The following MGAT4C variants were observed in gnomAD, a reference collection of about 807,000 sequenced individuals.
The protein encoded by MGAT4C is alpha-1,3-mannosyl-glycoprotein 4-beta-N-acetylglucosaminyltransferase C.
Under a neutral mutation model 40.1 loss-of-function variants are expected in MGAT4C, and 19 were observed. The observed-to-expected ratio is 0.47, with a 90% CI of 0.33 to 0.70. The LOEUF is 0.70. Ranked by LOEUF, MGAT4C falls within the 30% of genes least tolerant of loss-of-function variation. The probability of loss-of-function intolerance (pLI) is 0.02; values close to 1 mark genes in which losing one functional copy is unlikely to be tolerated. For synonymous variants in MGAT4C, 181 were observed against 187.1 expected (o/e 0.97, Z 0.27); for missense variants, 491 against 563.2 (o/e 0.87, Z 1.30).
At chr12:86,723,728 G>A (rs1378109493) in intron 2 of MGAT4C, among the ~76,000 whole-genome samples, 1 of 152,150 alleles carries the variant, frequency 6.6e-6, no homozygotes, top group African/African-American at 2.4e-5. Flanking sequence ...GTCAATCCCT[G>A]AAGGACAGTC....
At chr12:86,627,000 C>T (rs1375893848) in intron 2 of MGAT4C, among the ~76,000 whole-genome samples, 2 of 152,168 alleles carry the variant, frequency 1.3e-5, no homozygotes, top group South Asian at 2.1e-4. Context: ...CCAGGAATAT[C>T]GGGACACTGC....
intron 2 of MGAT4C, among the ~76,000 whole-genome samples, chr12:86,623,531 T>C (rs112704645): frequency 6.6e-6 from 1 of 152,164 alleles, no homozygotes; most frequent in African/African-American, 2.4e-5. Flanking sequence ...AATGGGCCAA[T>C]ATTTTAAAGA....
intron 1 of MGAT4C, among the ~76,000 whole-genome samples, chr12:86,099,389 G>C (rs943221534): frequency 1.4e-5 from 2 of 147,242 alleles, no homozygotes; most frequent in African/African-American, 4.9e-5. Flanking sequence ...TTCTTTTGGG[G>C]GGGGGCAAAA....
chr12:86,011,415 T>A (rs532775936), intron 2 of MGAT4C, among the ~76,000 whole-genome samples: 6 of 152,348 alleles, frequency 3.9e-5, no homozygotes, highest in African/African-American at 1.4e-4. Flanking sequence ...AAGTTATCTT[T>A]TAGAATTTTA....
At chr12:86,279,990 T>A (rs1479801365) in intron 4 of MGAT4C, among the ~76,000 whole-genome samples, 1 of 152,096 alleles carries the variant, frequency 6.6e-6, no homozygotes, top group Admixed American at 6.6e-5. Flanking sequence ...TCAGAGAAGA[T>A]GATTTATATG....
At chr12:86,170,179 G>A (rs1320668341) in intron 1 of MGAT4C, among the ~76,000 whole-genome samples, 6 of 152,160 alleles carry the variant, frequency 3.9e-5, no homozygotes, top group Non-Finnish European at 1.5e-5. Flanking sequence ...GAACATTCGT[G>A]ACCCACTTTT....
At chr12:86,057,170 A>C (rs1423896854) in intron 1 of MGAT4C, among the ~76,000 whole-genome samples, 1 of 152,000 alleles carries the variant, frequency 6.6e-6, no homozygotes, top group Admixed American at 6.6e-5. Context: ...AAACTCTTTT[A>C]CTAATTATTA....
chr12:86,187,975 T>C lies in MGAT4C; in HGVS notation c.-57+68264A>G, dbSNP rs1205724498. Among the ~76,000 whole-genome samples the C allele has an allele frequency of 2.0e-5, 3 of 152,062 alleles. No individual in the cohort carries two copies. The East Asian group carries it at 5.8e-4, about 29-fold the overall frequency. The stretch of plus-strand genomic sequence containing the variant: ...GTTCCTAGATGAGGTGACCAAAGCA[T>C]TCACATCCAAAGTGTACTGAGACTG... On this transcript the variant is annotated intron_variant, in intron 1 of 4. Coordinates refer to ENST00000611864, the MANE Select transcript of MGAT4C (RefSeq NM_001351288.2).
Position 85,960,469 on chromosome 12 carries a change from T to C in MGAT4C, c.*18820A>G, listed in dbSNP as rs533491967. On this transcript the variant is annotated 3_prime_UTR_variant, in exon 5 of 5. Coordinates refer to ENST00000611864, the MANE Select transcript of MGAT4C (RefSeq NM_001351288.2). ...GTCTGAATCACATGAGAGACATAGA[T>C]GAAAAATGTAAAACAACAATTAGCA... The C allele has an allele frequency of 1.1e-3, 172 of 152,150 alleles. No homozygotes were observed. The highest frequency in any genetic ancestry group is 3.8e-3 in the African/African-American group (158 of 41,576). 9.4% of individuals were successfully genotyped at this position (152,150 alleles called of 1,614,324 possible).
intron 3 of MGAT4C, among the ~76,000 whole-genome samples, chr12:86,337,114 C>T (rs899875217): frequency 6.6e-6 from 1 of 151,716 alleles, no homozygotes; most frequent in South Asian, 2.1e-4. Context: ...AGAAAATGAT[C>T]GATGATGATG....
chr12:86,362,866 C>T (rs1378805466), intron 3 of MGAT4C, among the ~76,000 whole-genome samples: 3 of 104,722 alleles, frequency 2.9e-5, no homozygotes, highest in Non-Finnish European at 5.2e-5. Context: ...GACTCCATCT[C>T]AAAAAAAAAA....
Position 85,975,855 on chromosome 12 carries a change from A to T in MGAT4C, c.*3434T>A, listed in dbSNP as rs190400488. The T allele has an allele frequency of 6.6e-6, 1 of 150,992 alleles. No homozygotes were observed. The highest frequency in any genetic ancestry group is 6.6e-5 in the Admixed American group (1 of 15,110). The allele number at this position is 150,992 out of a possible 1,614,324, so 9.4% of individuals were successfully genotyped here. ...CTCTATTACTCAGTAATATGATGCC[A>T]TTACTGTGTTGATGGATGTATTGTC... is the stretch of plus-strand genomic sequence containing the variant. On this transcript the variant is annotated 3_prime_UTR_variant, in exon 5 of 5. Transcript: ENST00000611864.
chr12:86,690,837 T>C (rs1366882774), intron 2 of MGAT4C, among the ~76,000 whole-genome samples: 4 of 152,206 alleles, frequency 2.6e-5, no homozygotes, highest in Admixed American at 1.3e-4. Context: ...CTAGCTTTAA[T>C]GGTCCGTCAT....
At chr12:86,203,975 A>AATATATATATATATATAT (rs56952745) in intron 1 of MGAT4C, among the ~76,000 whole-genome samples, 9 of 137,060 alleles carry the variant, frequency 6.6e-5, no homozygotes, top group Admixed American at 2.3e-4. Context: ...AAAAAAAAGA[A>AATATATATATATATATAT]ATATATATAT....
chr12:86,285,284 A>T (rs771676110), intron 4 of MGAT4C, among the ~76,000 whole-genome samples: 153 of 152,062 alleles, frequency 1.0e-3, no homozygotes, highest in Non-Finnish European at 3.4e-4. Context: ...AGCTTAAAGT[A>T]CCATATTCAA....
At chr12:86,765,373 A>C (rs1951486548) in intron 1 of MGAT4C, among the ~76,000 whole-genome samples, 2 of 152,214 alleles carry the variant, frequency 1.3e-5, no homozygotes, top group African/African-American at 2.4e-5. Flanking sequence ...ATGTGAAAAG[A>C]CCAAATCTAC....
At chr12:86,756,168 C>T (rs933867349) in intron 1 of MGAT4C, among the ~76,000 whole-genome samples, 1 of 152,128 alleles carries the variant, frequency 6.6e-6, no homozygotes, top group African/African-American at 2.4e-5. Context: ...AAGATCAAGG[C>T]TGGCCATTGT....
intron 2 of MGAT4C, among the ~76,000 whole-genome samples, chr12:86,027,563 T>C (rs1048227907): frequency 6.6e-6 from 1 of 151,868 alleles, no homozygotes; most frequent in Non-Finnish European, 1.5e-5. Flanking sequence ...TAACATAAAA[T>C]ATAGGTCAAT....
At chr12:86,329,288 A>AATC (rs1349907766) in intron 4 of MGAT4C, among the ~76,000 whole-genome samples, 2 of 152,120 alleles carry the variant, frequency 1.3e-5, no homozygotes, top group Non-Finnish European at 2.9e-5. Flanking sequence ...TCACGCCTGT[A>AATC]ATCCCAGCAC....
Sources: allele counts gnomAD v4.1 joint callset (sites outside exome capture counted in the v4.1 genomes callset), GRCh38; gene constraint gnomAD v4.1.1; transcripts MANE v1.5; gene names NCBI Gene and HGNC (gene_info 2026-07-23, HGNC 2026-07-21).